Variants in SGK3 observed in about 807,000 individuals in gnomAD.
SGK3 encodes the protein serum/glucocorticoid regulated kinase family member 3.
In SGK3, 47 loss-of-function variants were observed where a neutral mutation model predicts 68.5. The ratio of observed to expected loss-of-function variants is 0.69; its 90% confidence interval spans 0.54 to 0.87. SGK3 has a LOEUF of 0.87. Ranked by LOEUF, SGK3 falls within the 40% of genes least tolerant of loss-of-function variation. The probability of loss-of-function intolerance (pLI) is 0.00; values close to 1 mark genes in which losing one functional copy is unlikely to be tolerated. For synonymous variants in SGK3, 181 were observed against 189.1 expected (o/e 0.96, Z 0.35); for missense variants, 479 against 575.5 (o/e 0.83, Z 1.72).
chr8:66,772,681 C>T (rs565798863), intron 1 of SGK3, among the ~76,000 whole-genome samples: 2 of 152,198 alleles, frequency 1.3e-5, no homozygotes, highest in African/African-American at 4.8e-5. Context: ...CTGCCTCAGC[C>T]TCCTGAGTAG....
In SGK3 at chr8:66,813,784, TA is replaced by T. The variant is rs1241788762; in HGVS notation, c.254-68del. ...AATTCACTATCTTGTGCTTGTCTAT[TA>T]TATAACTGTTGATGATAATTGCATA... On this transcript the variant is annotated intron_variant, in intron 4 of 16. Transcript: ENST00000521198. 6.7e-6 allele frequency: 9 copies of T among 1,351,052 alleles called. No individual in the cohort carries two copies. In the East Asian group the frequency reaches 2.4e-4, roughly 36 times the overall value. The allele number at this position is 1,351,052 out of a possible 1,614,324, so 83.7% of individuals were successfully genotyped here.
intron 15 of SGK3, among the ~76,000 whole-genome samples, chr8:66,848,266 T>C (rs1810118934): frequency 6.6e-6 from 1 of 152,134 alleles, no homozygotes; most frequent in Non-Finnish European, 1.5e-5. Context: ...CCAACTATCA[T>C]CTCATGGGCT....
intron 16 of SGK3, among the ~76,000 whole-genome samples, chr8:66,858,713 C>A (rs997547873): frequency 6.6e-6 from 1 of 152,106 alleles, no homozygotes; most frequent in Non-Finnish European, 1.5e-5. Flanking sequence ...CTACATGAGG[C>A]ACAGGATGGT....
intron 1 of SGK3, among the ~76,000 whole-genome samples, chr8:66,758,180 C>G (rs1806047070): frequency 6.6e-6 from 1 of 151,672 alleles, no homozygotes; most frequent in South Asian, 2.1e-4. Flanking sequence ...ATGGCGAAAC[C>G]CTGTCTCTAC....
At chr8:66,779,561 A>AATATATATATATAT (rs200618083) in intron 1 of SGK3, among the ~76,000 whole-genome samples, 5 of 89,388 alleles carry the variant, frequency 5.6e-5, no homozygotes, top group Non-Finnish European at 8.5e-5. Context: ...TATGTGTGTG[A>AATATATATATATAT]ATATATATAT....
At chr8:66,845,580 T>C (rs1291029407) in intron 14 of SGK3, among the ~76,000 whole-genome samples, 2 of 152,078 alleles carry the variant, frequency 1.3e-5, no homozygotes, top group Non-Finnish European at 2.9e-5. Flanking sequence ...GGCTGGAGTG[T>C]AGTAGAATGA....
At chr8:66,761,599 T>C (rs1184959610) in intron 1 of SGK3, among the ~76,000 whole-genome samples, 1 of 152,084 alleles carries the variant, frequency 6.6e-6, no homozygotes, top group African/African-American at 2.4e-5. Context: ...CAAAACCCCG[T>C]CTCTACTAAA....
chr8:66,852,143 T>C (rs976136774), intron 16 of SGK3, among the ~76,000 whole-genome samples: 1 of 152,114 alleles, frequency 6.6e-6, no homozygotes, highest in African/African-American at 2.4e-5. Context: ...TTGTGACTTA[T>C]AATTATAGCA....
At chr8:66,793,866 G>A in intron 2 of SGK3, 34 bp downstream of exon 2, 1 of 1,595,374 alleles carries the variant, frequency 6.3e-7, no homozygotes, top group Non-Finnish European at 8.5e-7. Context: ...TGGGAAAAAA[G>A]TTGAATGTAG....
At position 66,797,816 on chromosome 8, in the gene SGK3, C is replaced by G. The variant is rs564259500; in HGVS notation, c.97-726C>G. ...GGAAAGTGGCAACAGTTGAATCTAT[C>G]GTATTTTATTCTTTGGCAAAAAAAA... is the stretch of plus-strand genomic sequence containing the variant. On this transcript the variant is annotated intron_variant, in intron 2 of 16. Transcript: ENST00000521198. 5.9e-5 allele frequency among the ~76,000 whole-genome samples: 9 copies of G among 152,172 alleles called. No individual in the cohort carries two copies. The South Asian group carries it at 1.7e-3, about 28-fold the overall frequency.
At chr8:66,775,611 C>G (rs1585698384) in intron 1 of SGK3, 2 of 152,264 alleles carry the variant, frequency 1.3e-5, no homozygotes, top group African/African-American at 4.8e-5. Flanking sequence ...CCACACACAC[C>G]CCCTCTAAAT....
intron 4 of SGK3, among the ~76,000 whole-genome samples, chr8:66,810,906 T>C (rs1004502959): frequency 2.6e-5 from 4 of 152,226 alleles, no homozygotes; most frequent in Admixed American, 1.3e-4. Flanking sequence ...ACATCTTACA[T>C]ACTTGAAGGC....
chr8:66,722,514 C>T (rs1008964002), intron 1 of SGK3, among the ~76,000 whole-genome samples: 8 of 152,286 alleles, frequency 5.3e-5, no homozygotes, highest in African/African-American at 1.2e-4. Flanking sequence ...CCTCGTGATC[C>T]GCCCACCTTG....
intron 1 of SGK3, among the ~76,000 whole-genome samples, chr8:66,792,963 TG>T (rs1313386759): frequency 6.6e-6 from 1 of 152,180 alleles, no homozygotes; most frequent in African/African-American, 2.4e-5. Flanking sequence ...TATGGGCTGC[TG>T]TGTGTAGCAA....
rs55878501 is a variant in SGK3, at chr8:66,828,659, C to T, written c.423C>T (p.His141=). 458 of 1,613,964 alleles carry T rather than the reference C, an allele frequency of 2.8e-4. 2 individuals carry two copies. The East Asian group carries it at 8.8e-3, about 31-fold the overall frequency. The change falls in exon 7 of 17, where the codon CAC becomes CAT. Residue 141 remains histidine, a synonymous_variant. Coordinates refer to ENST00000521198, the MANE Select transcript of SGK3 (RefSeq NM_001033578.3). Reference sequence around the variant, plus strand: ...TTCTTTCCCCACCTTCACAGCTACACTCTACCTCACAGAACATCAACCTGG... The same window carrying T: ...TTCTTTCCCCACCTTCACAGCTACATTCTACCTCACAGAACATCAACCTGG... ...DEDERSSQKL[H]STSQNINLGP...
chr8:66,834,156 AAAT>A (rs1809413163), intron 8 of SGK3, among the ~76,000 whole-genome samples: 1 of 152,276 alleles, frequency 6.6e-6, no homozygotes, highest in Admixed American at 6.5e-5. Context: ...CATTATTCAT[AAAT>A]AATCTAATCT....
intron 5 of SGK3, among the ~76,000 whole-genome samples, chr8:66,814,501 GA>G (rs1297001190): frequency 6.6e-6 from 1 of 152,190 alleles, no homozygotes; most frequent in Non-Finnish European, 1.5e-5. Context: ...ACAGGATACA[GA>G]AAGCCTGAAC....
intron 16 of SGK3, among the ~76,000 whole-genome samples, chr8:66,851,899 C>T (rs911138318): frequency 5.9e-5 from 9 of 152,092 alleles, no homozygotes. Flanking sequence ...TCTTAAGCTA[C>T]CAGCTTACTA....
chr8:66,782,475 TA>T (rs1219734405), intron 1 of SGK3, among the ~76,000 whole-genome samples: 1 of 152,230 alleles, frequency 6.6e-6, no homozygotes, highest in Non-Finnish European at 1.5e-5. Flanking sequence ...GAACCTATGT[TA>T]ACACATCGTA....
Sources: allele counts gnomAD v4.1 joint callset (sites outside exome capture counted in the v4.1 genomes callset), GRCh38; gene constraint gnomAD v4.1.1; transcripts MANE v1.5; gene names NCBI Gene and HGNC (gene_info 2026-07-23, HGNC 2026-07-21).